ERBB4: variants seen among roughly 807,000 people sequenced by gnomAD.
ERBB4 encodes receptor tyrosine-protein kinase erbB-4.
A neutral mutation model predicts 158.0 loss-of-function variants in ERBB4; 42 were observed. The ratio of observed to expected loss-of-function variants is 0.27; its 90% CI spans 0.21 to 0.34. The LOEUF is 0.34. Ranked by LOEUF, ERBB4 falls within the 10% of genes least tolerant of loss-of-function variation. The pLI is 1.00. For missense variants in ERBB4, 1,333 were observed against 1,624.1 expected (o/e 0.82, Z 3.08); for synonymous variants, 583 against 558.7 (o/e 1.04, Z -0.61).
At chr2:212,445,286 G>A (rs553402490) in intron 1 of ERBB4, among the ~76,000 whole-genome samples, 8 of 152,144 alleles carry the variant, frequency 5.3e-5, no homozygotes, top group East Asian at 3.9e-4. Context: ...CAGGATTCAC[G>A]GGTCCAGGAA....
intron 20 of ERBB4, among the ~76,000 whole-genome samples, chr2:211,502,378 T>G (rs1008622176): frequency 1.3e-5 from 2 of 152,200 alleles, no homozygotes; most frequent in Non-Finnish European, 2.9e-5. Context: ...GATAACAGTT[T>G]CTGAATCTGT....
chr2:211,938,499 A>C (rs1321187073), intron 3 of ERBB4, among the ~76,000 whole-genome samples: 2 of 152,116 alleles, frequency 1.3e-5, no homozygotes, highest in Non-Finnish European at 2.9e-5. Flanking sequence ...AAATTAATTA[A>C]AATTAGATAA....
chr2:212,421,312 C>T (rs1381344212), intron 1 of ERBB4, among the ~76,000 whole-genome samples: 1 of 147,404 alleles, frequency 6.8e-6, no homozygotes, highest in East Asian at 1.9e-4. Flanking sequence ...GGTTTGTATT[C>T]CACATTGTTC....
intron 1 of ERBB4, among the ~76,000 whole-genome samples, chr2:212,155,273 T>C (rs984765044): frequency 3.3e-5 from 5 of 152,136 alleles, no homozygotes; most frequent in African/African-American, 9.6e-5. Context: ...ATACTGTATG[T>C]ATAACATATA....
chr2:211,609,238 A>G (rs1485142762), intron 19 of ERBB4, among the ~76,000 whole-genome samples: 3 of 152,128 alleles, frequency 2.0e-5, no homozygotes, highest in Non-Finnish European at 4.4e-5. Flanking sequence ...AAAATATTCT[A>G]TGTAAAAACT....
intron 16 of ERBB4, among the ~76,000 whole-genome samples, chr2:211,632,618 T>C (rs1160016143): frequency 1.3e-5 from 2 of 152,116 alleles, no homozygotes; most frequent in East Asian, 3.8e-4. Flanking sequence ...GTTTTTTGTT[T>C]GTTTCTTTGT....
intron 2 of ERBB4, among the ~76,000 whole-genome samples, chr2:212,049,417 C>T (rs969430330): frequency 4.6e-5 from 7 of 151,868 alleles, no homozygotes; most frequent in Admixed American, 2.0e-4. Context: ...TTGGTGTGCA[C>T]GCCTGATTCT....
rs776926673 is a variant in ERBB4 at position 211,657,791 on chromosome 2, G to C, written c.1909C>G (p.Pro637Ala). 6.2e-7 allele frequency: 1 copy of C among 1,613,818 alleles called. No individual in the cohort carries two copies. Among genetic ancestry groups the C allele is most frequent in the Non-Finnish European group, 8.5e-7 (1 of 1,179,854 alleles). ...GPTSHDCIYYPWTGHSTLPQH... is the reference protein window; with the variant it reads ...GPTSHDCIYYAWTGHSTLPQH... ...GGTAAAGTGGAATGGCCCGTCCATG[G>C]GTAGTAAATGCAGTCATGACTAGTG... The change falls in exon 16 of 28, where the codon CCA becomes GCA. Residue 637 changes from proline to alanine, a missense_variant. By Grantham distance (27) the Pro-to-Ala change is conservative. Transcript: ENST00000342788.
intron 26 of ERBB4, 39 bp from the exon 27 acceptor site, chr2:211,387,189 T>C: frequency 6.9e-7 from 1 of 1,447,778 alleles, no homozygotes; most frequent in Middle Eastern, 1.8e-4. Flanking sequence ...GAAGGCGTTG[T>C]TAGAAATAGT....
At chr2:211,393,172 T>C (rs2062838929) in intron 25 of ERBB4, among the ~76,000 whole-genome samples, 1 of 152,204 alleles carries the variant, frequency 6.6e-6, no homozygotes, top group South Asian at 2.1e-4. Context: ...CAAAGTCTAC[T>C]TTTATTGTGT....
intron 3 of ERBB4, among the ~76,000 whole-genome samples, chr2:211,944,405 T>C (rs1383372325): frequency 6.6e-6 from 1 of 151,680 alleles, no homozygotes; most frequent in Admixed American, 6.6e-5. Flanking sequence ...TTTATCATTA[T>C]ACAAAGTTGA....
intron 1 of ERBB4, among the ~76,000 whole-genome samples, chr2:212,234,036 A>C (rs1282101640): frequency 2.0e-5 from 3 of 151,290 alleles, no homozygotes; most frequent in Non-Finnish European, 4.4e-5. Flanking sequence ...TGCAGAACGC[A>C]CAGGTTTGTT....
chr2:212,406,352 T>C (rs1329226145), intron 1 of ERBB4, among the ~76,000 whole-genome samples: 1 of 152,060 alleles, frequency 6.6e-6, no homozygotes, highest in Non-Finnish European at 1.5e-5. Flanking sequence ...CAAAAATCGG[T>C]TCACTTTGGA....
At chr2:212,014,259 C>G (rs2076457121) in intron 2 of ERBB4, among the ~76,000 whole-genome samples, 2 of 152,178 alleles carry the variant, frequency 1.3e-5, no homozygotes. Flanking sequence ...TCTCTGGGAT[C>G]TCCCCAGAAC....
chr2:212,534,710 T>C (rs1174493151), intron 1 of ERBB4, among the ~76,000 whole-genome samples: 1 of 152,078 alleles, frequency 6.6e-6, no homozygotes, highest in Non-Finnish European at 1.5e-5. Context: ...AAAGAGAGAA[T>C]CTATAGTAAC....
At chr2:212,497,169 AC>A (rs1690625257) in intron 1 of ERBB4, among the ~76,000 whole-genome samples, 1 of 136,164 alleles carries the variant, frequency 7.3e-6, no homozygotes, top group Non-Finnish European at 1.6e-5. Context: ...CAAGAGCAAA[AC>A]TCCATCTCAA....
At chr2:211,654,938 A>C (rs2071154724) in intron 16 of ERBB4, among the ~76,000 whole-genome samples, 1 of 152,224 alleles carries the variant, frequency 6.6e-6, no homozygotes, top group South Asian at 2.1e-4. Flanking sequence ...CTGGAATCTC[A>C]GAGTGAATAT....
intron 1 of ERBB4, among the ~76,000 whole-genome samples, chr2:212,380,456 C>CTGTGTGTGTGTGTGTGTG (rs6147158): frequency 3.3e-4 from 47 of 143,132 alleles, no homozygotes; most frequent in African/African-American, 1.2e-3. Flanking sequence ...AGGAATGACT[C>CTGTGTGTGTGTGTGTGTG]TGTGTGTGTG....
intron 4 of ERBB4, among the ~76,000 whole-genome samples, chr2:211,753,993 G>T (rs1415199277): frequency 6.6e-6 from 1 of 151,544 alleles, no homozygotes; most frequent in Non-Finnish European, 1.5e-5. Context: ...GAGTAGCTGG[G>T]ACTACAGGCG....
Sources: allele counts gnomAD v4.1 joint callset (sites outside exome capture counted in the v4.1 genomes callset), GRCh38; gene constraint gnomAD v4.1.1; transcripts MANE v1.5; gene names NCBI Gene and HGNC (gene_info 2026-07-23, HGNC 2026-07-21).